Variants in TDRD6 observed in about 807,000 individuals in gnomAD.
TDRD6 encodes the protein tudor domain containing 6, also known as tudor domain-containing protein 6.
A neutral mutation model predicts 157.5 loss-of-function variants in TDRD6; 186 were observed. That is an observed-to-expected ratio of 1.18 (90% CI 1.05 to 1.33). The LOEUF is 1.33. Ranked by LOEUF, TDRD6 falls within the 40% of genes most tolerant of loss-of-function variation. The pLI, the probability that TDRD6 is intolerant of heterozygous loss-of-function variation, is 0.00. For missense variants in TDRD6, 3,066 were observed against 2,508.0 expected (o/e 1.22, Z -4.75); for synonymous variants, 1,075 against 945.2 (o/e 1.14, Z -2.52).
chr6:46,681,726 C>T, the TDRD6 span, among the ~76,000 whole-genome samples: 2 of 151,992 alleles, frequency 1.3e-5, no homozygotes, highest in South Asian at 4.1e-4. Context: ...TTGTTTTGTC[C>T]TGATATAGTT....
upstream of TDRD6, among the ~76,000 whole-genome samples, chr6:46,686,238 C>A (rs1240619536): frequency 2.0e-5 from 3 of 152,098 alleles, no homozygotes; most frequent in Admixed American, 6.5e-5. Context: ...CTCCATTATT[C>A]CATGTAATGA....
At chr6:46,697,856 C>T in intron 2 of TDRD6, 142 bp from the exon 3 acceptor site, 2 of 386,472 alleles carry the variant, frequency 5.2e-6, no homozygotes, top group African/African-American at 2.1e-5. Flanking sequence ...CCACTGCCCT[C>T]CATCCTGGGC....
Position 46,693,824 on chromosome 6 carries a change from G to C in TDRD6, c.5696G>C (p.Cys1899Ser), listed in dbSNP as rs776046100. ...TTTACACTGCAGCTTCCTCTCAGCTGTGAAGCTGAGAAACAGCCAGAACTA... is the reference window on the plus strand; with the variant it reads ...TTTACACTGCAGCTTCCTCTCAGCTCTGAAGCTGAGAAACAGCCAGAACTA... ...ELFTLQLPLSCEAEKQPELEL... is the reference protein window; with the variant it reads ...ELFTLQLPLSSEAEKQPELEL... Residue 1899 changes from cysteine (C) to serine (S), a missense_variant, in exon 1 of 4, where the codon TGT (cysteine) becomes TCT (serine). Cys to Ser is a moderately radical substitution (Grantham distance 112, BLOSUM62 -1). Transcript: ENST00000316081. 1 of 1,614,174 alleles carries C rather than the reference G, an allele frequency of 6.2e-7. No individual in the cohort carries two copies. The highest frequency in any genetic ancestry group is 8.5e-7 in the Non-Finnish European group (1 of 1,180,006).
chr6:46,689,880 G>A lies in TDRD6; in HGVS notation c.1752G>A (p.Arg584=), dbSNP rs771693801. The A allele has an allele frequency of 1.2e-6, 2 of 1,614,216 alleles. No homozygotes were observed. The highest frequency in any genetic ancestry group is 1.7e-6 in the Non-Finnish European group (2 of 1,180,044). Residue 584 remains arginine, a synonymous_variant, in exon 1 of 4, where the codon AGG becomes AGA. Transcript: ENST00000316081. ...NSENVDWYDV[R]MLLPQFRQLP... ...AAAATGTGGACTGGTATGACGTAAG[G>A]ATGCTGCTTCCTCAGTTTAGGCAGC...
upstream of TDRD6, among the ~76,000 whole-genome samples, chr6:46,684,451 G>A (rs1764040356): frequency 6.6e-6 from 1 of 151,176 alleles, no homozygotes; most frequent in Non-Finnish European, 1.5e-5. Context: ...CTGCACACAA[G>A]ATACAGAACA....
intron 3 of TDRD6, among the ~76,000 whole-genome samples, chr6:46,699,285 C>G (rs1036725120): frequency 6.6e-6 from 1 of 152,062 alleles, no homozygotes; most frequent in African/African-American, 2.4e-5. Context: ...CCCGTAAGAG[C>G]GAAGCAGATA....
At position 46,695,951 on chromosome 6, in the gene TDRD6, TG is replaced by T. The variant is rs1412263605; in HGVS notation, c.6171+7del. The T allele has an allele frequency of 3.1e-6, 5 of 1,609,974 alleles. No homozygotes were observed. The highest frequency in any genetic ancestry group is 1.7e-5 in the Admixed American group (1 of 59,294). On this transcript the variant is annotated splice_region_variant and intron_variant, in intron 2 of 3. Coordinates refer to ENST00000316081, the MANE Select transcript of TDRD6 (RefSeq NM_001010870.3). ...CAGCTGAAGAAGGAACAAGGGTAAG[TG>T]ATGTTTAAGTACTTTATCTCCAAAT...
intron 3 of TDRD6, among the ~76,000 whole-genome samples, chr6:46,700,343 A>G (rs182534441): frequency 6.6e-5 from 10 of 152,300 alleles, no homozygotes; most frequent in Admixed American, 3.9e-4. Flanking sequence ...TGAGATTTAA[A>G]TATCCTTCCC....
intron 3 of TDRD6, among the ~76,000 whole-genome samples, chr6:46,699,945 G>A (rs972629361): frequency 1.4e-4 from 21 of 152,234 alleles, no homozygotes; most frequent in African/African-American, 5.1e-4. Context: ...ATTTCCCATA[G>A]TGTTGGATAT....
rs1764369543 is a variant in TDRD6 at position 46,692,667 on chromosome 6, G to T, written c.4539G>T (p.Trp1513Cys). Reference sequence around the variant, plus strand: ...TTGACACTTCAGTATTTCTTAACTGGTATAATCCAGAAAAAAAAATGATAA... The same window carrying T: ...TTGACACTTCAGTATTTCTTAACTGTTATAATCCAGAAAAAAAAATGATAA... ...SDIDTSVFLN[W>C]YNPEKKMIRA... The change falls in exon 1 of 4, where the codon TGG (tryptophan) becomes TGT (cysteine). Residue 1513 changes from tryptophan to cysteine, a missense_variant. Coordinates refer to ENST00000316081, the MANE Select transcript of TDRD6 (RefSeq NM_001010870.3). 6.2e-7 allele frequency: 1 copy of T among 1,613,408 alleles called. No individual in the cohort carries two copies. Among genetic ancestry groups the T allele is most frequent in the Admixed American group, 1.7e-5 (1 of 59,852 alleles).
chr6:46,695,789 T>C (rs773196885), intron 1 of TDRD6, 32 bp from the exon 2 acceptor site: 1 of 1,598,614 alleles, frequency 6.3e-7, no homozygotes, highest in South Asian at 1.1e-5. Flanking sequence ...TTAAGAGATA[T>C]GCATTGAGTC....
chr6:46,692,374 A>G lies in TDRD6; in HGVS notation c.4246A>G (p.Ile1416Val), dbSNP rs768221202. ...TAATGCAATATTGCCGGGGTTGTGC[A>G]TTCATTGCTCCTTGCAGGGATTTGA... Reference protein sequence around the residue: ...LVNAILPGLCIHCSLQGFEVP... With the variant: ...LVNAILPGLCVHCSLQGFEVP... The change falls in exon 1 of 4, where the codon ATT (isoleucine) becomes GTT (valine). Residue 1416 changes from isoleucine (I) to valine (V), a missense_variant. Coordinates refer to ENST00000316081, the MANE Select transcript of TDRD6 (RefSeq NM_001010870.3). 7.4e-6 allele frequency: 12 copies of G among 1,614,098 alleles called. No individual in the cohort carries two copies. In the South Asian group the frequency reaches 1.2e-4, roughly 16 times the overall value.
chr6:46,685,662 T>A (rs575904926), upstream of TDRD6, among the ~76,000 whole-genome samples: 3 of 152,144 alleles, frequency 2.0e-5, no homozygotes, highest in East Asian at 5.8e-4. Context: ...AAATACCTAA[T>A]GTAGATGATG....
In TDRD6 at chr6:46,690,361, G is replaced by A. The variant is rs773476709; in HGVS notation, c.2233G>A (p.Ala745Thr). The change falls in exon 1 of 4, where the codon GCA becomes ACA. Residue 745 changes from alanine to threonine, a missense_variant. By Grantham distance (58) the Ala-to-Thr change is moderately conservative (BLOSUM62 0). Transcript: ENST00000316081. ...ELVVQEKVKRASVYFPLMQNC... is the reference protein window; with the variant it reads ...ELVVQEKVKRTSVYFPLMQNC... ...AGTTGTGCAGGAAAAAGTGAAAAGA[G>A]CATCTGTTTATTTTCCTCTTATGCA... 14 of 1,613,666 alleles carry A rather than the reference G, an allele frequency of 8.7e-6. No homozygotes were observed. In the South Asian group the frequency reaches 1.5e-4, roughly 18 times the overall value.
rs777765310 is a variant in TDRD6, at chr6:46,691,961, A to G, written c.3833A>G (p.Glu1278Gly). The G allele has an allele frequency of 1.2e-6, 2 of 1,613,366 alleles. No homozygotes were observed. The highest frequency in any genetic ancestry group is 1.7e-6 in the Non-Finnish European group (2 of 1,179,784). ...KTARVEATLS[E>G]RKIGDSCDKD... ...GCAAGAGTAGAAGCTACTCTTTCAG[A>G]GAGAAAAATAGGAGATTCATGTGAC... The change falls in exon 1 of 4, where the codon GAG becomes GGG. Residue 1278 changes from glutamate (E) to glycine (G), a missense_variant. Physicochemically the swap from Glu to Gly is moderately conservative, Grantham distance 98. Coordinates refer to ENST00000316081, the MANE Select transcript of TDRD6 (RefSeq NM_001010870.3).
chr6:46,689,133 T>C lies in TDRD6; in HGVS notation c.1005T>C (p.Phe335=), dbSNP rs1342981344. ...HWYRALLLET[F]RPQRCAQVLH... Reference sequence around the variant, plus strand: ...ACAGAGCACTGTTGCTTGAGACTTTTCGGCCCCAGCGCTGTGCCCAGGTGC... The same window carrying C: ...ACAGAGCACTGTTGCTTGAGACTTTCCGGCCCCAGCGCTGTGCCCAGGTGC... The change falls in exon 1 of 4, where the codon TTT becomes TTC. Residue 335 remains phenylalanine, a synonymous_variant. Coordinates refer to ENST00000316081, the MANE Select transcript of TDRD6 (RefSeq NM_001010870.3). 1.2e-6 allele frequency: 2 copies of C among 1,614,032 alleles called. No homozygotes were observed. The highest frequency in any genetic ancestry group is 1.3e-5 in the African/African-American group (1 of 74,930).
rs1764648535 is a variant in TDRD6, at chr6:46,702,477, T to G, written c.*590T>G. The G allele has an allele frequency of 6.6e-6, 1 of 152,154 alleles. No homozygotes were observed. The highest frequency in any genetic ancestry group is 1.5e-5 in the Non-Finnish European group (1 of 67,996). The allele number at this position is 152,154 out of a possible 1,614,324, so 9.4% of individuals were successfully genotyped here. A position where few individuals can be genotyped will look rare whatever the true frequency, so the allele number is the denominator to read the frequency against. Reference sequence around the variant, plus strand: ...AGGAAATAGAACTCTTAAATATACTTGGTTCCATCTCTCCTCTGTAATGGA... The same window carrying G: ...AGGAAATAGAACTCTTAAATATACTGGGTTCCATCTCTCCTCTGTAATGGA... On this transcript the variant is annotated 3_prime_UTR_variant, in exon 4 of 4. Coordinates refer to ENST00000316081, the MANE Select transcript of TDRD6 (RefSeq NM_001010870.3).
At position 46,688,157 on chromosome 6, in the gene TDRD6, C is replaced by T. The variant is rs748354624; in HGVS notation, c.29C>T (p.Pro10Leu). The change falls in exon 1 of 4, where the codon CCG (proline) becomes CTG (leucine). Residue 10 changes from proline (P) to leucine (L), a missense_variant. Coordinates refer to ENST00000316081, the MANE Select transcript of TDRD6 (RefSeq NM_001010870.3). MCSTPGMPAPGASLALRVSF... is the reference protein window; with the variant it reads MCSTPGMPALGASLALRVSF... ...TGCTCGACGCCCGGAATGCCGGCGC[C>T]GGGGGCCTCGCTGGCCCTGCGGGTG... The T allele has an allele frequency of 2.3e-5, 35 of 1,544,550 alleles. No homozygotes were observed. The highest frequency in any genetic ancestry group is 1.3e-4 in the Admixed American group (7 of 52,458).
intron 3 of TDRD6, 132 bp from the exon 4 acceptor site, chr6:46,701,726 G>A (rs573957157): frequency 2.9e-4 from 216 of 745,360 alleles, no homozygotes; most frequent in Non-Finnish European, 4.5e-4. Flanking sequence ...ATGCCCTATA[G>A]TAATTAGAAT....
Sources: allele counts gnomAD v4.1 joint callset (sites outside exome capture counted in the v4.1 genomes callset), GRCh38; gene constraint gnomAD v4.1.1; transcripts MANE v1.5; gene names NCBI Gene and HGNC (gene_info 2026-07-23, HGNC 2026-07-21).